Variants in BICC1 observed in about 807,000 individuals in gnomAD.
BICC1 encodes the protein protein bicaudal C homolog 1.
Under a neutral mutation model 111.0 loss-of-function variants are expected in BICC1, and 43 were observed. That is an observed-to-expected ratio of 0.39 (90% CI 0.30 to 0.50). The LOEUF is 0.50. BICC1 is among the 20% of genes least tolerant of loss of function. The pLI, the probability that BICC1 is intolerant of heterozygous loss-of-function variation, is 0.88. For missense variants in BICC1, 1,091 were observed against 1,203.2 expected, an observed-to-expected ratio of 0.91 and a Z score of 1.38; for synonymous variants, 467 against 434.4, an observed-to-expected ratio of 1.07 and a Z score of -0.93.
At chr10:58,580,042 T>TC (rs201845395) in intron 1 of BICC1, among the ~76,000 whole-genome samples, 6 of 143,328 alleles carry the variant, frequency 4.2e-5, no homozygotes, top group South Asian at 2.2e-4. Flanking sequence ...TTTTTTTTTT[T>TC]CCAGACAGAA....
At chr10:58,681,964 C>T (rs1302205578) in intron 2 of BICC1, among the ~76,000 whole-genome samples, 2 of 151,812 alleles carry the variant, frequency 1.3e-5, no homozygotes, top group Admixed American at 6.6e-5. Flanking sequence ...TGTGCTGCAC[C>T]CGTTAACTCA....
intron 3 of BICC1, chr10:58,716,195 G>A (rs1398059705): frequency 3.7e-5 from 56 of 1,499,170 alleles, no homozygotes; most frequent in Non-Finnish European, 4.3e-5. Flanking sequence ...AGTGAAGAAC[G>A]AGAAAAAGCA....
At chr10:58,603,531 GC>G (rs1845110405) in intron 1 of BICC1, among the ~76,000 whole-genome samples, 1 of 152,174 alleles carries the variant, frequency 6.6e-6, no homozygotes, top group African/African-American at 2.4e-5. Flanking sequence ...AAGTTGGTAT[GC>G]CGTCAGTCCA....
intron 6 of BICC1, among the ~76,000 whole-genome samples, chr10:58,788,636 T>A (rs906292680): frequency 6.6e-5 from 10 of 152,354 alleles, no homozygotes; most frequent in South Asian, 4.1e-4. Flanking sequence ...ATTTATAAAA[T>A]TTTTTCACTG....
In BICC1 at chr10:58,659,447, C is replaced by A. The variant is rs571064213; in HGVS notation, c.237+38546C>A. On this transcript the variant is annotated intron_variant, in intron 2 of 20. Transcript: ENST00000373886. ...ATTCTTTGCAGCAACATGGATGGAG[C>A]TGGAGGTCATTATCCTAAGTGAACT... Among the ~76,000 whole-genome samples the A allele has an allele frequency of 3.9e-5, 6 of 152,264 alleles. 1 individual carries two copies. Among genetic ancestry groups the A allele is most frequent in the African/African-American group, 1.4e-4 (6 of 41,550 alleles).
At chr10:58,551,546 A>C (rs1048657019) in intron 1 of BICC1, among the ~76,000 whole-genome samples, 4 of 152,154 alleles carry the variant, frequency 2.6e-5, no homozygotes, top group African/African-American at 9.7e-5. Context: ...TATACAGTAC[A>C]TTGTTATTAA....
chr10:58,793,584 G>A lies in BICC1; in HGVS notation c.1148G>A (p.Ser383Asn), dbSNP rs756555876. The stretch of plus-strand genomic sequence containing the variant: ...ATGGAACAGCTTGATGTCTTCATCA[G>A]TATTAAACCAAAGCCCAAACAGCCA... ...QLMEQLDVFI[S>N]IKPKPKQPSK... Residue 383 changes from serine to asparagine, a missense_variant, in exon 9 of 21, where the codon AGT becomes AAT. This residue lies in a region of BICC1 where 843 missense variants were observed against 900.8 expected (regional missense o/e 0.94). Coordinates refer to ENST00000373886, the MANE Select transcript of BICC1 (RefSeq NM_001080512.3). 1 of 1,613,850 alleles carries A rather than the reference G, an allele frequency of 6.2e-7. No homozygotes were observed. The highest frequency in any genetic ancestry group is 1.7e-4 in the Middle Eastern group (1 of 6,052).
At chr10:58,648,498 A>G (rs2132239750) in intron 2 of BICC1, 1 of 984,754 alleles carries the variant, frequency 1.0e-6, no homozygotes, top group African/African-American at 1.7e-5. Flanking sequence ...TATGCTGGCC[A>G]CTCCACTCGG....
At chr10:58,768,517 T>C (rs149657032) in intron 3 of BICC1, among the ~76,000 whole-genome samples, 26 of 152,260 alleles carry the variant, frequency 1.7e-4, no homozygotes, top group African/African-American at 5.8e-4. Context: ...ATAGTATTTT[T>C]ACTCCCTGGT....
At chr10:58,620,060 C>A (rs1464718542) in intron 1 of BICC1, among the ~76,000 whole-genome samples, 1 of 152,150 alleles carries the variant, frequency 6.6e-6, no homozygotes, top group Non-Finnish European at 1.5e-5. Context: ...TCCTGTTTGG[C>A]CTTAGAAAGA....
intron 3 of BICC1, among the ~76,000 whole-genome samples, chr10:58,721,925 A>C (rs1840951854): frequency 6.6e-6 from 1 of 152,196 alleles, no homozygotes; most frequent in Non-Finnish European, 1.5e-5. Context: ...TACTCTCCTG[A>C]AAGTCATGGT....
intron 1 of BICC1, among the ~76,000 whole-genome samples, chr10:58,537,620 G>A (rs552307967): frequency 2.8e-4 from 42 of 151,798 alleles, no homozygotes; most frequent in South Asian, 8.3e-4. Flanking sequence ...GTATAATACC[G>A]GAAGTCCTAG....
chr10:58,755,011 G>A lies in BICC1; in HGVS notation c.308-29990G>A, dbSNP rs144980831. Among the ~76,000 whole-genome samples the A allele has an allele frequency of 1.4e-3, 215 of 152,232 alleles. 1 individual carries two copies. The highest frequency in any genetic ancestry group is 5.0e-3 in the African/African-American group (207 of 41,542). ...ATGTATTGCAGTCCTTGTATTTTAAGTTACATCTGGTTTCTCTTAAAGTTC... is the reference window on the plus strand; with the variant it reads ...ATGTATTGCAGTCCTTGTATTTTAAATTACATCTGGTTTCTCTTAAAGTTC... On this transcript the variant is annotated intron_variant, in intron 3 of 20. Coordinates refer to ENST00000373886, the MANE Select transcript of BICC1 (RefSeq NM_001080512.3).
At chr10:58,548,867 G>A (rs1223506405) in intron 1 of BICC1, among the ~76,000 whole-genome samples, 1 of 151,932 alleles carries the variant, frequency 6.6e-6, no homozygotes, top group Non-Finnish European at 1.5e-5. Flanking sequence ...AGTTTACTTT[G>A]GGGTGTGTGT....
chr10:58,828,909 A>C lies in BICC1; in HGVS notation c.*18A>C. 6.2e-7 allele frequency: 1 copy of C among 1,613,258 alleles called. No individual in the cohort carries two copies. The highest frequency in any genetic ancestry group is 8.5e-7 in the Non-Finnish European group (1 of 1,179,522). Reference sequence around the variant, plus strand: ...GCTGGTAGCAGCACCCTCTTGGCACATGCCCGCTGACTAACTGTAAAGTGG... The same window carrying C: ...GCTGGTAGCAGCACCCTCTTGGCACCTGCCCGCTGACTAACTGTAAAGTGG... On this transcript the variant is annotated 3_prime_UTR_variant, in exon 21 of 21. Coordinates refer to ENST00000373886, the MANE Select transcript of BICC1 (RefSeq NM_001080512.3).
chr10:58,817,892 C>A (rs1844144978), intron 19 of BICC1, among the ~76,000 whole-genome samples, 170 bp downstream of exon 19: 1 of 152,152 alleles, frequency 6.6e-6, no homozygotes, highest in East Asian at 1.9e-4. Context: ...TTATTTAGTG[C>A]AGCTAGTAAA....
chr10:58,666,647 G>A (rs933859694), intron 2 of BICC1, among the ~76,000 whole-genome samples: 41 of 152,080 alleles, frequency 2.7e-4, no homozygotes, highest in Admixed American at 1.3e-4. Context: ...GCATTTATTA[G>A]CTGTATGCTC....
At chr10:58,812,914 G>A (rs561248113) in intron 17 of BICC1, among the ~76,000 whole-genome samples, 7 of 152,244 alleles carry the variant, frequency 4.6e-5, no homozygotes, top group African/African-American at 1.7e-4. Context: ...CTAGGACCAG[G>A]TACAGGGTAA....
chr10:58,661,304 C>A lies in BICC1; in HGVS notation c.237+40403C>A, dbSNP rs145757646. ...TCAGAATACTGGTATTCAGTTAGTT[C>A]CATGTCATTTCTCTCTGGAGTTTAG... On this transcript the variant is annotated intron_variant, in intron 2 of 20. Coordinates refer to ENST00000373886, the MANE Select transcript of BICC1 (RefSeq NM_001080512.3). 3.1e-3 allele frequency among the ~76,000 whole-genome samples: 469 copies of A among 150,696 alleles called. 5 individuals carry two copies. Among genetic ancestry groups the A allele is most frequent in the African/African-American group, 0.01 (424 of 40,996 alleles).
Sources: allele counts gnomAD v4.1 joint callset (sites outside exome capture counted in the v4.1 genomes callset), GRCh38; gene constraint gnomAD v4.1.1; regional missense constraint gnomAD v4.1.1; transcripts MANE v1.5; gene names NCBI Gene and HGNC (gene_info 2026-07-23, HGNC 2026-07-21).